ST6GAL1: variants seen among roughly 807,000 people sequenced by gnomAD.
The protein encoded by ST6GAL1 is beta-galactoside alpha-2,6-sialyltransferase 1.
ST6GAL1 carries 20 observed loss-of-function variants against 38.0 expected under a neutral mutation model. The observed-to-expected ratio is 0.53, with a 90% confidence interval of 0.37 to 0.77. The LOEUF (loss-of-function observed/expected upper bound fraction) is 0.77. ST6GAL1 is among the 30% of genes least tolerant of loss of function. The pLI is 0.00. For missense variants in ST6GAL1, 432 were observed against 496.4 expected (o/e 0.87, Z 1.23); for synonymous variants, 196 against 188.2 (o/e 1.04, Z -0.34).
chr3:187,040,348 T>G (rs1718085622), intron 3 of ST6GAL1, among the ~76,000 whole-genome samples: 1 of 152,194 alleles, frequency 6.6e-6, no homozygotes, highest in Admixed American at 6.5e-5. Context: ...CAGACGAAGT[T>G]GCCTCTCTAG....
chr3:186,932,036 G>A (rs568034686), intron 1 of ST6GAL1, among the ~76,000 whole-genome samples: 1 of 152,246 alleles, frequency 6.6e-6, no homozygotes, highest in Non-Finnish European at 1.5e-5. Context: ...GGTTGTGGGC[G>A]TGCAGTGTGA....
rs112365868 is a variant in ST6GAL1 at position 186,941,403 on chromosome 3, C to T, written c.-325+10569C>T. On this transcript the variant is annotated intron_variant, in intron 1 of 7. Transcript: ENST00000169298. Reference sequence around the variant, plus strand: ...CTCCAGAGAGTGATAAAATGATGCACACCCAGAAATTGGCTACTTGGATGA... The same window carrying T: ...CTCCAGAGAGTGATAAAATGATGCATACCCAGAAATTGGCTACTTGGATGA... Among the ~76,000 whole-genome samples the T allele has an allele frequency of 9.7e-3, 1,478 of 152,270 alleles. 16 individuals carry two copies. The highest frequency in any genetic ancestry group is 0.033 in the African/African-American group (1,375 of 41,540).
intron 2 of ST6GAL1, among the ~76,000 whole-genome samples, chr3:187,000,168 A>G (rs906558394): frequency 6.6e-6 from 1 of 152,168 alleles, no homozygotes; most frequent in Non-Finnish European, 1.5e-5. Flanking sequence ...CTGACACATT[A>G]CTGTTCACTT....
intron 4 of ST6GAL1, among the ~76,000 whole-genome samples, chr3:187,050,552 GAGAGAGA>G (rs1718475839): frequency 9.6e-6 from 1 of 104,250 alleles, no homozygotes; most frequent in African/African-American, 3.1e-5. Context: ...GAGAGAGAGA[GAGAGAGA>G]GGGAGGGAGG....
chr3:186,999,957 C>T (rs2108551990), intron 2 of ST6GAL1, among the ~76,000 whole-genome samples: 1 of 152,150 alleles, frequency 6.6e-6, no homozygotes, highest in South Asian at 2.1e-4. Context: ...CCTGTCTCAG[C>T]CTCCTGAGTA....
rs1036404925 is a variant in ST6GAL1, at chr3:187,043,118, G to A, written c.415G>A (p.Ala139Thr). The A allele has an allele frequency of 3.7e-6, 6 of 1,614,204 alleles. No homozygotes were observed. The Admixed American group carries it at 8.3e-5, about 22-fold the overall frequency. The change falls in exon 4 of 8, where the codon GCC (alanine) becomes ACC (threonine). Residue 139 changes from alanine to threonine, a missense_variant. Coordinates refer to ENST00000169298, the MANE Select transcript of ST6GAL1 (RefSeq NM_173216.2). ...PGPGIKFSAE[A>T]LRCHLRDHVN... ...ACCAGGCATCAAGTTCAGTGCAGAG[G>A]CCCTGCGCTGCCACCTCCGGGACCA... is the stretch of plus-strand genomic sequence containing the variant.
intron 1 of ST6GAL1, chr3:186,942,468 C>T (rs571820567): frequency 6.6e-6 from 1 of 152,276 alleles, no homozygotes; most frequent in Admixed American, 6.5e-5. Context: ...CTGCATCCGT[C>T]TGTTGGTTGA....
intron 5 of ST6GAL1, among the ~76,000 whole-genome samples, chr3:187,060,305 C>T (rs759190050): frequency 3.9e-5 from 6 of 152,088 alleles, no homozygotes; most frequent in South Asian, 2.1e-4. Context: ...GGATTACAGG[C>T]GCCCACAACC....
In ST6GAL1 at chr3:186,985,422, A is replaced by ATT. The variant is rs11457838; in HGVS notation, c.-183+21504_-183+21505dup. 2.1e-3 allele frequency among the ~76,000 whole-genome samples: 321 copies of ATT among 150,578 alleles called. 3 individuals carry two copies. The highest frequency in any genetic ancestry group is 3.1e-3 in the Non-Finnish European group (209 of 67,648). On this transcript the variant is annotated intron_variant, in intron 2 of 7. Transcript: ENST00000169298. Reference sequence around the variant, plus strand: ...TTAGCACTTAGCAAATGTTTAATACATTTTTTTTTAAAGTGAGTAAGCGTA... The same window carrying ATT: ...TTAGCACTTAGCAAATGTTTAATACATTTTTTTTTTTAAAGTGAGTAAGCGTA...
chr3:186,947,300 G>A (rs549701037), intron 1 of ST6GAL1, among the ~76,000 whole-genome samples: 7 of 152,240 alleles, frequency 4.6e-5, no homozygotes, highest in South Asian at 2.1e-4. Flanking sequence ...GCACATACAC[G>A]AAAAGTGCAA....
intron 1 of ST6GAL1, among the ~76,000 whole-genome samples, chr3:186,946,905 TA>T (rs1714390558): frequency 6.6e-6 from 1 of 151,792 alleles, no homozygotes; most frequent in Non-Finnish European, 1.5e-5. Context: ...CAGAACAAAA[TA>T]CGTTATCAAT....
At chr3:187,015,865 A>G (rs1193227963) in intron 2 of ST6GAL1, among the ~76,000 whole-genome samples, 2 of 152,150 alleles carry the variant, frequency 1.3e-5, no homozygotes, top group African/African-American at 4.8e-5. Flanking sequence ...AATAAATAAA[A>G]GAGTACAGTC....
At chr3:187,055,404 T>C (rs1443231181) in intron 5 of ST6GAL1, among the ~76,000 whole-genome samples, 1 of 152,222 alleles carries the variant, frequency 6.6e-6, no homozygotes, top group Non-Finnish European at 1.5e-5. Flanking sequence ...TGTTAGGGTG[T>C]TGATTTTAGA....
intron 1 of ST6GAL1, among the ~76,000 whole-genome samples, chr3:186,953,810 G>T (rs1242355151): frequency 6.9e-6 from 1 of 144,382 alleles, no homozygotes; most frequent in Non-Finnish European, 1.5e-5. Context: ...ACACAGAGAG[G>T]TTTTTTTTTT....
chr3:186,931,975 G>A lies in ST6GAL1; in HGVS notation c.-325+1141G>A, dbSNP rs78264046. ...ATGTTAATCGGACACGATCTGCAGC[G>A]GGGAGATGGTTTCGCGGTGAATTGG... On this transcript the variant is annotated intron_variant, in intron 1 of 7. Coordinates refer to ENST00000169298, the MANE Select transcript of ST6GAL1 (RefSeq NM_173216.2). Among the ~76,000 whole-genome samples the A allele has an allele frequency of 1.1e-4, 17 of 152,350 alleles. No individual in the cohort carries two copies. The East Asian group carries it at 3.3e-3, about 29-fold the overall frequency.
chr3:187,008,303 A>G (rs1238089942), intron 2 of ST6GAL1, among the ~76,000 whole-genome samples: 1 of 152,002 alleles, frequency 6.6e-6, no homozygotes, highest in African/African-American at 2.4e-5. Context: ...ATACGTAAGA[A>G]AAGGGAAGGA....
chr3:187,029,026 C>T lies in ST6GAL1; in HGVS notation c.-182-9716C>T, dbSNP rs567081501. 9.8e-4 allele frequency among the ~76,000 whole-genome samples: 136 copies of T among 138,268 alleles called. 1 individual carries two copies. Among genetic ancestry groups the T allele is most frequent in the African/African-American group, 3.3e-3 (122 of 37,350 alleles). The allele number at this position is 138,268 out of a possible 152,430, so 90.7% of individuals were successfully genotyped here. The stretch of plus-strand genomic sequence containing the variant: ...GCTTGAACCTGGGAGGTGGAGGTTG[C>T]GGTGAACAGAGATTGTGCCACTGTG... On this transcript the variant is annotated intron_variant, in intron 2 of 7. Coordinates refer to ENST00000169298, the MANE Select transcript of ST6GAL1 (RefSeq NM_173216.2).
intron 2 of ST6GAL1, among the ~76,000 whole-genome samples, chr3:186,998,436 GTATT>G (rs1716492465): frequency 6.6e-6 from 1 of 152,114 alleles, no homozygotes; most frequent in African/African-American, 2.4e-5. Flanking sequence ...AAGAGAAAAT[GTATT>G]TATTATTTAG....
chr3:187,068,458 ATTTC>A (rs1270606937), intron 5 of ST6GAL1, among the ~76,000 whole-genome samples: 2 of 150,138 alleles, frequency 1.3e-5, no homozygotes, highest in Non-Finnish European at 2.9e-5. Context: ...TAGCATCTCT[ATTTC>A]TTTAATCATA....
Sources: allele counts gnomAD v4.1 joint callset (sites outside exome capture counted in the v4.1 genomes callset), GRCh38; gene constraint gnomAD v4.1.1; transcripts MANE v1.5; gene names NCBI Gene and HGNC (gene_info 2026-07-23, HGNC 2026-07-21).